STIMATE: variants seen among roughly 807,000 people sequenced by gnomAD.
The protein encoded by STIMATE is store-operated calcium entry regulator STIMATE.
A neutral mutation model predicts 36.7 loss-of-function variants in STIMATE; 15 were observed. The ratio of observed to expected loss-of-function variants is 0.41; its 90% CI spans 0.27 to 0.63. The LOEUF (loss-of-function observed/expected upper bound fraction) is 0.63. Ranked by LOEUF, STIMATE falls within the 20% of genes least tolerant of loss-of-function variation. STIMATE has a pLI of 0.32. For synonymous variants in STIMATE, 163 were observed against 162.3 expected, an observed-to-expected ratio of 1.00 and a Z score of -0.03; for missense variants, 305 against 397.3, an observed-to-expected ratio of 0.77 and a Z score of 1.98.
intron 1 of STIMATE, among the ~76,000 whole-genome samples, chr3:52,868,863 G>A (rs952902706): frequency 6.6e-5 from 10 of 152,078 alleles, no homozygotes; most frequent in African/African-American, 9.7e-5. Flanking sequence ...TAAGTGATCC[G>A]CCTGCCTTGG....
chr3:52,869,610 C>A (rs1475446591), intron 1 of STIMATE, among the ~76,000 whole-genome samples: 1 of 152,248 alleles, frequency 6.6e-6, no homozygotes, highest in Non-Finnish European at 1.5e-5. Context: ...CAATACTAAG[C>A]ATCTGCCTGT....
chr3:52,889,057 C>T (rs1305044752), intron 1 of STIMATE, among the ~76,000 whole-genome samples: 1 of 152,136 alleles, frequency 6.6e-6, no homozygotes. Flanking sequence ...GCTTATGGCA[C>T]AAAATGGCCC....
At chr3:52,867,960 C>T (rs1379828933) in intron 1 of STIMATE, among the ~76,000 whole-genome samples, 1 of 152,272 alleles carries the variant, frequency 6.6e-6, no homozygotes, top group South Asian at 2.1e-4. Context: ...GGAGCCCAGG[C>T]CCCCTCTCCA....
chr3:52,868,294 TC>T (rs1408596668), intron 1 of STIMATE, among the ~76,000 whole-genome samples: 1 of 152,160 alleles, frequency 6.6e-6, no homozygotes, highest in Non-Finnish European at 1.5e-5. Flanking sequence ...AGACTATATT[TC>T]CCAGCCTCCC....
chr3:52,847,678 CCACA>C (rs1262132904), intron 4 of STIMATE: 2 of 653,482 alleles, frequency 3.1e-6, no homozygotes, highest in Middle Eastern at 6.0e-4. Flanking sequence ...AATAACAGCC[CCACA>C]CAGTTGCCTA....
intron 3 of STIMATE, among the ~76,000 whole-genome samples, chr3:52,850,541 C>A (rs1194907758): frequency 6.6e-6 from 1 of 152,216 alleles, no homozygotes. Context: ...CAGAACTTAA[C>A]TGATGACAGA....
rs892011892 is a variant in STIMATE, at chr3:52,838,821, A to C, written c.*1673T>G. On this transcript the variant is annotated 3_prime_UTR_variant, in exon 8 of 8. Transcript: ENST00000355083. The stretch of plus-strand genomic sequence containing the variant: ...GGTTCATGCGCCCAATTCGGACCCA[A>C]TGTGCTTAAGTGAAACACGTGCTCA... 6 of 152,256 alleles carry C rather than the reference A, an allele frequency of 3.9e-5. 1 individual carries two copies. Among genetic ancestry groups the C allele is most frequent in the Admixed American group, 3.9e-4 (6 of 15,286 alleles). 9.4% of individuals were successfully genotyped at this position (152,256 alleles called of 1,614,324 possible).
At chr3:52,854,083 A>C (rs930899931) in intron 2 of STIMATE, among the ~76,000 whole-genome samples, 2 of 131,450 alleles carry the variant, frequency 1.5e-5, no homozygotes, top group African/African-American at 5.1e-5. Flanking sequence ...TATTTAAGAA[A>C]TATATGTATT....
At chr3:52,846,681 A>G (rs1206779013) in intron 4 of STIMATE, 2 of 152,230 alleles carry the variant, frequency 1.3e-5, no homozygotes, top group Admixed American at 1.3e-4. Flanking sequence ...CTAAAATAAG[A>G]AAGTTCAGAA....
intron 1 of STIMATE, among the ~76,000 whole-genome samples, chr3:52,880,975 G>C (rs1317120928): frequency 6.6e-6 from 1 of 152,044 alleles, no homozygotes; most frequent in Non-Finnish European, 1.5e-5. Context: ...GATCACTTGA[G>C]GTCAGGAGTT....
At chr3:52,852,564 G>A (rs1387288003) in intron 3 of STIMATE, 39 bp downstream of exon 3, 1 of 1,610,780 alleles carries the variant, frequency 6.2e-7, no homozygotes, top group African/African-American at 1.3e-5. Context: ...TTTCAATGGA[G>A]GGGCAGCTGA....
chr3:52,880,523 G>A (rs1701585402), intron 1 of STIMATE, among the ~76,000 whole-genome samples: 1 of 152,210 alleles, frequency 6.6e-6, no homozygotes, highest in Non-Finnish European at 1.5e-5. Context: ...GGTGGCTGGG[G>A]AAAAACCCAG....
chr3:52,891,318 C>G (rs1433827052), intron 1 of STIMATE, among the ~76,000 whole-genome samples: 1 of 152,194 alleles, frequency 6.6e-6, no homozygotes, highest in Non-Finnish European at 1.5e-5. Context: ...GGCACTTCAC[C>G]TGCTCACCGA....
At chr3:52,862,337 C>G (rs186390756) in intron 1 of STIMATE, among the ~76,000 whole-genome samples, 1 of 152,334 alleles carries the variant, frequency 6.6e-6, no homozygotes, top group African/African-American at 2.4e-5. Context: ...TTCCCTGCTC[C>G]GATCTCTTCA....
At chr3:52,846,393 A>G (rs994040931) in intron 4 of STIMATE, 41 of 152,252 alleles carry the variant, frequency 2.7e-4, no homozygotes, top group African/African-American at 9.6e-4. Flanking sequence ...TATTTGTGAG[A>G]AACCATTAAG....
intron 1 of STIMATE, among the ~76,000 whole-genome samples, chr3:52,882,903 G>C (rs1701632039): frequency 6.6e-6 from 1 of 152,140 alleles, no homozygotes; most frequent in Non-Finnish European, 1.5e-5. Flanking sequence ...GGGACGCCGA[G>C]AGCACTTGAT....
At chr3:52,861,346 T>C (rs553260696) in intron 1 of STIMATE, among the ~76,000 whole-genome samples, 1 of 152,288 alleles carries the variant, frequency 6.6e-6, no homozygotes, top group East Asian at 1.9e-4. Flanking sequence ...TGTGATGAGA[T>C]GCACCAATTG....
chr3:52,894,349 A>G (rs1419479697), intron 1 of STIMATE, among the ~76,000 whole-genome samples: 1 of 152,196 alleles, frequency 6.6e-6, no homozygotes, highest in Non-Finnish European at 1.5e-5. Flanking sequence ...ATGTTTATGC[A>G]GCTTGAATAA....
chr3:52,884,248 T>TC (rs1322938346), intron 1 of STIMATE, among the ~76,000 whole-genome samples: 1 of 32,182 alleles, frequency 3.1e-5, no homozygotes, highest in East Asian at 1.4e-3. Flanking sequence ...CCCAAAAAGT[T>TC]TTTTTTTTTT....
Sources: allele counts gnomAD v4.1 joint callset (sites outside exome capture counted in the v4.1 genomes callset), GRCh38; gene constraint gnomAD v4.1.1; transcripts MANE v1.5; gene names NCBI Gene and HGNC (gene_info 2026-07-23, HGNC 2026-07-21).